The following CSMD1 variants were observed in gnomAD, a reference collection of about 807,000 sequenced individuals.
The protein encoded by CSMD1 is CUB and Sushi multiple domains 1, also known as CUB and sushi domain-containing protein 1.
A neutral mutation model predicts 417.5 loss-of-function variants in CSMD1; 213 were observed. The ratio of observed to expected loss-of-function variants is 0.51; its 90% confidence interval spans 0.46 to 0.57. The LOEUF (loss-of-function observed/expected upper bound fraction) is 0.57, where lower values mean the gene tolerates loss of function less well. Ranked by LOEUF, CSMD1 falls within the 20% of genes least tolerant of loss-of-function variation. CSMD1 has a pLI of 0.00. For synonymous variants in CSMD1, 2,862 were observed against 1,736.8 expected (o/e 1.65, Z -16.11); for missense variants, 6,923 against 4,529.7 (o/e 1.53, Z -15.17).
intron 5 of CSMD1, among the ~76,000 whole-genome samples, chr8:3,949,583 A>T (rs1023682015): frequency 1.3e-5 from 2 of 152,066 alleles, no homozygotes; most frequent in Non-Finnish European, 2.9e-5. Context: ...TGTGTGGGGG[A>T]AACTAATTGA....
chr8:3,910,405 C>G (rs986879781), intron 5 of CSMD1, among the ~76,000 whole-genome samples: 7 of 152,176 alleles, frequency 4.6e-5, no homozygotes, highest in African/African-American at 4.8e-5. Context: ...GCTGCCCTGT[C>G]TGCCGTCAAG....
chr8:4,453,297 T>A (rs1469990406), intron 2 of CSMD1, among the ~76,000 whole-genome samples: 1 of 151,806 alleles, frequency 6.6e-6, no homozygotes. Flanking sequence ...ACACTCCCAC[T>A]GGCAATCAAC....
At chr8:3,732,028 TCCA>T (rs1796297716) in intron 6 of CSMD1, among the ~76,000 whole-genome samples, 1 of 137,040 alleles carries the variant, frequency 7.3e-6, no homozygotes, top group Non-Finnish European at 1.7e-5. Flanking sequence ...ATGCATGCTC[TCCA>T]CATTTTTTAG....
intron 3 of CSMD1, among the ~76,000 whole-genome samples, chr8:4,069,474 C>A (rs1230762840): frequency 6.6e-6 from 1 of 152,154 alleles, no homozygotes; most frequent in East Asian, 1.9e-4. Context: ...AGGATATTAT[C>A]TCTAGGTAAG....
At chr8:4,368,548 T>A (rs1484555234) in intron 3 of CSMD1, among the ~76,000 whole-genome samples, 1 of 152,186 alleles carries the variant, frequency 6.6e-6, no homozygotes, top group Non-Finnish European at 1.5e-5. Flanking sequence ...GTAAGATAGG[T>A]ACTAGCTCTT....
intron 41 of CSMD1, among the ~76,000 whole-genome samples, chr8:3,126,329 C>T (rs978659557): frequency 1.3e-5 from 2 of 152,192 alleles, no homozygotes; most frequent in African/African-American, 4.8e-5. Flanking sequence ...TTAATCAAGG[C>T]AAAGCCCTCG....
At position 3,196,194 on chromosome 8, in the gene CSMD1, C is replaced by G. The variant is rs147559900; in HGVS notation, c.5194+3520G>C. ...ATGCTAAAAGACACTCCCACCAGCACGATGACAGTTTACAAATGCCATGGC... is the reference window on the plus strand; with the variant it reads ...ATGCTAAAAGACACTCCCACCAGCAGGATGACAGTTTACAAATGCCATGGC... On this transcript the variant is annotated intron_variant, in intron 33 of 69. Coordinates refer to ENST00000635120, the MANE Select transcript of CSMD1 (RefSeq NM_033225.6). Among the ~76,000 whole-genome samples, 316 of 152,244 alleles carry G rather than the reference C, an allele frequency of 2.1e-3. 3 individuals carry two copies. The highest frequency in any genetic ancestry group is 7.4e-3 in the African/African-American group (309 of 41,542).
chr8:3,344,626 A>T (rs1255430832), intron 22 of CSMD1, among the ~76,000 whole-genome samples: 4 of 152,158 alleles, frequency 2.6e-5, no homozygotes, highest in Non-Finnish European at 5.9e-5. Context: ...CTTAATAGAA[A>T]AATGGTACCC....
chr8:3,430,499 C>A (rs751078524), intron 12 of CSMD1, among the ~76,000 whole-genome samples: 5 of 152,068 alleles, frequency 3.3e-5, no homozygotes, highest in Non-Finnish European at 5.9e-5. Flanking sequence ...TTTATTTCAT[C>A]ATTACAACAT....
At position 3,547,034 on chromosome 8, in the gene CSMD1, C is replaced by T. The variant is rs373462519; in HGVS notation, c.1344+27911G>A. Among the ~76,000 whole-genome samples the T allele has an allele frequency of 7.2e-5, 11 of 152,150 alleles. No individual in the cohort carries two copies. In the South Asian group the frequency reaches 1.9e-3, roughly 26 times the overall value. ...TCCACAGATGTGGGGCTGGTCAGGGCCCCTTCTCTGAATCTGCTGTTTAGC... is the reference window on the plus strand; with the variant it reads ...TCCACAGATGTGGGGCTGGTCAGGGTCCCTTCTCTGAATCTGCTGTTTAGC... On this transcript the variant is annotated intron_variant, in intron 10 of 69. Coordinates refer to ENST00000635120, the MANE Select transcript of CSMD1 (RefSeq NM_033225.6).
rs575379832 is a variant in CSMD1 at position 2,989,446 on chromosome 8, G to A, written c.8377+8565C>T. Among the ~76,000 whole-genome samples, 3 of 152,306 alleles carry A rather than the reference G, an allele frequency of 2.0e-5. No individual in the cohort carries two copies. The South Asian group carries it at 6.2e-4, about 32-fold the overall frequency. ...CTTCTAATCAACATGACATGCCAATGATGGTCCATTAACCTCCTCCTCCAT... is the reference window on the plus strand; with the variant it reads ...CTTCTAATCAACATGACATGCCAATAATGGTCCATTAACCTCCTCCTCCAT... On this transcript the variant is annotated intron_variant, in intron 54 of 69. Coordinates refer to ENST00000635120, the MANE Select transcript of CSMD1 (RefSeq NM_033225.6).
intron 3 of CSMD1, among the ~76,000 whole-genome samples, chr8:4,071,574 G>C (rs1305982356): frequency 7.2e-5 from 11 of 151,794 alleles, no homozygotes; most frequent in Admixed American, 6.6e-5. Context: ...TCCAACATCT[G>C]TGTCCTATCA....
intron 10 of CSMD1, among the ~76,000 whole-genome samples, chr8:3,495,136 A>T (rs1219506890): frequency 6.6e-6 from 1 of 152,266 alleles, no homozygotes; most frequent in Non-Finnish European, 1.5e-5. Context: ...ATAGGTGTCG[A>T]GGTTGATAGC....
intron 3 of CSMD1, among the ~76,000 whole-genome samples, chr8:4,288,164 G>C (rs768625953): frequency 2.0e-5 from 3 of 152,116 alleles, no homozygotes; most frequent in Non-Finnish European, 4.4e-5. Flanking sequence ...GAAAACACTA[G>C]AGAGTAGAAC....
intron 3 of CSMD1, among the ~76,000 whole-genome samples, chr8:4,092,393 A>C (rs2130851095): frequency 6.6e-6 from 1 of 152,326 alleles, no homozygotes; most frequent in South Asian, 2.1e-4. Flanking sequence ...CTCCACCGTA[A>C]GGCAATGAAC....
At chr8:4,226,515 G>T (rs12334711) in intron 3 of CSMD1, among the ~76,000 whole-genome samples, 1 of 151,866 alleles carries the variant, frequency 6.6e-6, no homozygotes, top group Non-Finnish European at 1.5e-5. Context: ...CCTATAATGA[G>T]TCAAAACAAT....
chr8:3,908,519 CA>C (rs1355846808), intron 5 of CSMD1, among the ~76,000 whole-genome samples: 1 of 151,986 alleles, frequency 6.6e-6, no homozygotes, highest in African/African-American at 2.4e-5. Context: ...CAAAACAAAA[CA>C]AAAAAACTCC....
intron 1 of CSMD1, among the ~76,000 whole-genome samples, chr8:4,687,773 C>G (rs1158084237): frequency 1.3e-5 from 2 of 152,050 alleles, no homozygotes; most frequent in African/African-American, 4.8e-5. Flanking sequence ...TTGTCACCCT[C>G]CTTCACTAAT....
At chr8:4,403,451 C>G (rs1804791483) in intron 3 of CSMD1, among the ~76,000 whole-genome samples, 1 of 152,080 alleles carries the variant, frequency 6.6e-6, no homozygotes, top group South Asian at 2.1e-4. Context: ...TCAAAATGTC[C>G]TTATCAGGGT....
Sources: allele counts gnomAD v4.1 joint callset (sites outside exome capture counted in the v4.1 genomes callset), GRCh38; gene constraint gnomAD v4.1.1; transcripts MANE v1.5; gene names NCBI Gene and HGNC (gene_info 2026-07-23, HGNC 2026-07-21).